CTNNA2: variants seen among roughly 807,000 people sequenced by gnomAD.
CTNNA2 encodes the protein catenin alpha-2.
CTNNA2 carries 42 observed loss-of-function variants against 101.0 expected under a neutral mutation model. That is an observed-to-expected ratio of 0.42 (90% CI 0.32 to 0.54). The LOEUF (loss-of-function observed/expected upper bound fraction) is 0.54, where lower values mean the gene tolerates loss of function less well. Among genes scored for constraint, CTNNA2 ranks in the 20% least tolerant of loss-of-function variants. CTNNA2 has a pLI of 0.14. For synonymous variants in CTNNA2, 450 were observed against 456.4 expected (o/e 0.99, Z 0.18); for missense variants, 871 against 1,223.1 (o/e 0.71, Z 4.29).
At chr2:80,025,032 A>C (rs1480607489) in intron 7 of CTNNA2, among the ~76,000 whole-genome samples, 1 of 152,156 alleles carries the variant, frequency 6.6e-6, no homozygotes, top group Non-Finnish European at 1.5e-5. Flanking sequence ...TCCCCGGCCA[A>C]GCTCTTCTCT....
intron 9 of CTNNA2, among the ~76,000 whole-genome samples, chr2:80,445,141 CTTTGTG>C (rs1393308260): frequency 1.3e-5 from 2 of 151,912 alleles, no homozygotes; most frequent in Non-Finnish European, 2.9e-5. Context: ...ATGTTTGTCT[CTTTGTG>C]TTTTTTTGTT....
intron 7 of CTNNA2, among the ~76,000 whole-genome samples, chr2:80,049,099 A>C (rs989143223): frequency 2.6e-5 from 4 of 152,222 alleles, no homozygotes; most frequent in African/African-American, 9.6e-5. Flanking sequence ...TAGAACATTA[A>C]ATGGCAGTAT....
intron 2 of CTNNA2, among the ~76,000 whole-genome samples, chr2:79,727,912 A>C (rs1024135661): frequency 6.6e-6 from 1 of 151,916 alleles, no homozygotes; most frequent in Non-Finnish European, 1.5e-5. Context: ...TGAACTCATC[A>C]TTTTTTATGG....
chr2:80,647,943 G>T lies in CTNNA2; in HGVS notation c.*71G>T. 2 of 1,436,822 alleles carry T rather than the reference G, an allele frequency of 1.4e-6. No individual in the cohort carries two copies. The highest frequency in any genetic ancestry group is 1.4e-5 in the African/African-American group (1 of 69,800). 89.0% of individuals were successfully genotyped at this position (1,436,822 alleles called of 1,614,324 possible). ...TCTTTTTCTTTTTAATTCCATTTTTGTATGCATACCTGCCAGCTCGTATGC... is the reference window on the plus strand; with the variant it reads ...TCTTTTTCTTTTTAATTCCATTTTTTTATGCATACCTGCCAGCTCGTATGC... On this transcript the variant is annotated 3_prime_UTR_variant, in exon 19 of 19. Transcript: ENST00000402739.
At chr2:79,193,971 T>C (rs971423746) in intron 1 of CTNNA2, among the ~76,000 whole-genome samples, 18 of 152,262 alleles carry the variant, frequency 1.2e-4, no homozygotes, top group Admixed American at 4.6e-4. Flanking sequence ...ATCATTATGA[T>C]AACTTCATGG....
intron 7 of CTNNA2, among the ~76,000 whole-genome samples, chr2:80,067,101 A>T (rs1698036481): frequency 6.6e-6 from 1 of 152,186 alleles, no homozygotes; most frequent in Non-Finnish European, 1.5e-5. Flanking sequence ...GGATTGGGAA[A>T]GTATTGGTCA....
chr2:80,250,432 A>T (rs1425538860), intron 7 of CTNNA2, among the ~76,000 whole-genome samples: 4 of 152,160 alleles, frequency 2.6e-5, no homozygotes, highest in Non-Finnish European at 5.9e-5. Flanking sequence ...GCAAAGATAG[A>T]AGAGAAGCAG....
intron 7 of CTNNA2, among the ~76,000 whole-genome samples, chr2:80,246,239 C>T (rs1040039354): frequency 2.4e-4 from 36 of 152,124 alleles, no homozygotes; most frequent in Admixed American, 4.6e-4. Flanking sequence ...TGTGAATGGT[C>T]TCACAAGAAT....
chr2:80,125,498 G>A (rs1235667019), intron 7 of CTNNA2, among the ~76,000 whole-genome samples: 4 of 152,150 alleles, frequency 2.6e-5, no homozygotes, highest in Admixed American at 2.6e-4. Flanking sequence ...GTAACTCATG[G>A]AGCTGATCAT....
chr2:80,158,906 G>A lies in CTNNA2; in HGVS notation c.1057-234305G>A, dbSNP rs192745212. Among the ~76,000 whole-genome samples, 475 of 142,942 alleles carry A rather than the reference G, an allele frequency of 3.3e-3. 3 individuals are homozygous for A. Among genetic ancestry groups the A allele is most frequent in the African/African-American group, 0.011 (405 of 35,790 alleles). 93.8% of individuals were successfully genotyped at this position (142,942 alleles called of 152,430 possible). On this transcript the variant is annotated intron_variant, in intron 7 of 18. Coordinates refer to ENST00000402739, the MANE Select transcript of CTNNA2 (RefSeq NM_001282597.3). ...AGCCTGGGTGACAGAGTGAGACTCC[G>A]TCTCAAAAAAAAAAAAAAAAGAATG...
chr2:80,079,629 C>G (rs535621880), intron 7 of CTNNA2, among the ~76,000 whole-genome samples: 2 of 151,864 alleles, frequency 1.3e-5, no homozygotes, highest in Non-Finnish European at 1.5e-5. Context: ...CTGGCTAACA[C>G]GGTGAAACCC....
At chr2:79,521,466 G>A (rs530223150) in intron 1 of CTNNA2, among the ~76,000 whole-genome samples, 2 of 152,120 alleles carry the variant, frequency 1.3e-5, no homozygotes, top group South Asian at 4.2e-4. Context: ...TCACTGGCCA[G>A]CACTGAATCA....
At chr2:79,482,510 C>T (rs1056152439) in intron 4 of CTNNA2, among the ~76,000 whole-genome samples, 5 of 152,078 alleles carry the variant, frequency 3.3e-5, no homozygotes, top group African/African-American at 1.2e-4. Flanking sequence ...GGTAGTGACA[C>T]CTTGGGATCA....
chr2:80,148,986 A>G (rs1224432444), intron 7 of CTNNA2, among the ~76,000 whole-genome samples: 1 of 151,840 alleles, frequency 6.6e-6, no homozygotes, highest in East Asian at 1.9e-4. Context: ...AAAAAAACAA[A>G]ACTCAGAAAA....
At chr2:79,467,548 G>A (rs192916317) in intron 4 of CTNNA2, among the ~76,000 whole-genome samples, 411 of 152,240 alleles carry the variant, frequency 2.7e-3, no homozygotes, top group Non-Finnish European at 4.4e-3. Flanking sequence ...TACTCCTTGA[G>A]AAGAGCAACT....
intron 17 of CTNNA2, among the ~76,000 whole-genome samples, chr2:80,614,244 A>G (rs566492788): frequency 3.3e-5 from 5 of 151,566 alleles, no homozygotes; most frequent in African/African-American, 7.2e-5. Context: ...TGTGAGTTCT[A>G]TATCTGAGAA....
intron 2 of CTNNA2, among the ~76,000 whole-genome samples, chr2:79,228,877 A>G (rs1220603284): frequency 1.3e-5 from 2 of 152,090 alleles, no homozygotes; most frequent in African/African-American, 4.8e-5. Context: ...GGATTTTTTT[A>G]TAGTTTAGGG....
At chr2:80,190,119 C>A (rs1166755601) in intron 7 of CTNNA2, among the ~76,000 whole-genome samples, 1 of 151,878 alleles carries the variant, frequency 6.6e-6, no homozygotes, top group African/African-American at 2.4e-5. Context: ...CCATCAGTAT[C>A]ATGATTAATA....
intron 2 of CTNNA2, among the ~76,000 whole-genome samples, chr2:79,278,421 G>T (rs1675272434): frequency 1.3e-5 from 2 of 151,954 alleles, no homozygotes; most frequent in Admixed American, 1.3e-4. Flanking sequence ...GGTAATAGGG[G>T]CATTATTGTA....
Sources: gnomAD v4.1 joint callset for allele counts (sites outside exome capture counted in the v4.1 genomes callset) on GRCh38, gnomAD v4.1.1 for gene constraint, MANE v1.5 for transcripts, NCBI Gene and HGNC (gene_info 2026-07-23, HGNC 2026-07-21) for gene names.